C1orf105: variants seen among roughly 807,000 people sequenced by gnomAD.
C1orf105 encodes the protein uncharacterized protein C1orf105.
C1orf105 carries 17 observed loss-of-function variants against 20.8 expected under a neutral mutation model. That is an observed-to-expected ratio of 0.82 (90% CI 0.56 to 1.23). The LOEUF is 1.23. Among genes scored for constraint, C1orf105 ranks in the 50% most tolerant of loss-of-function variants. C1orf105 has a pLI of 0.00. For missense variants in C1orf105, 219 were observed against 213.5 expected (o/e 1.03, Z -0.16); for synonymous variants, 72 against 72.1 (o/e 1.00, Z 0.01).
intron 1 of C1orf105, among the ~76,000 whole-genome samples, chr1:172,429,852 ACTT>A (rs1420469212): frequency 6.6e-6 from 1 of 152,140 alleles, no homozygotes; most frequent in Non-Finnish European, 1.5e-5. Flanking sequence ...CTATTGCTCT[ACTT>A]CTTCTTAATC....
At chr1:172,431,033 GT>G (rs1272780971) in intron 1 of C1orf105, 4 of 629,312 alleles carry the variant, frequency 6.4e-6, no homozygotes, top group African/African-American at 3.7e-5. Context: ...GCTCTTCCCT[GT>G]CTTTCTTCCT....
intron 1 of C1orf105, chr1:172,441,636 G>T: frequency 8.8e-7 from 1 of 1,135,212 alleles, no homozygotes; most frequent in Non-Finnish European, 1.2e-6. Flanking sequence ...ACAATGACAT[G>T]CTGCTTCCAG....
chr1:172,432,269 A>G (rs571670268), intron 1 of C1orf105, among the ~76,000 whole-genome samples: 1 of 152,324 alleles, frequency 6.6e-6, no homozygotes, highest in African/African-American at 2.4e-5. Flanking sequence ...GAACTCTGAG[A>G]ATAGACAGAC....
chr1:172,451,844 A>G lies in C1orf105; in HGVS notation c.198+3313A>G, dbSNP rs111954558. Among the ~76,000 whole-genome samples, 595 of 148,718 alleles carry G rather than the reference A, an allele frequency of 4.0e-3. 7 individuals are homozygous for G. The highest frequency in any genetic ancestry group is 0.014 in the African/African-American group (567 of 40,334). ...ACTTTTGGGATTCTATGTGGTAGAA[A>G]TAATTCTGCCTTTATATGGATTCTT... On this transcript the variant is annotated intron_variant, in intron 3 of 6. Coordinates refer to ENST00000367727, the MANE Select transcript of C1orf105 (RefSeq NM_139240.4).
chr1:172,427,889 C>G (rs533075122), intron 1 of C1orf105, among the ~76,000 whole-genome samples: 4 of 152,106 alleles, frequency 2.6e-5, no homozygotes, highest in Non-Finnish European at 5.9e-5. Context: ...CAACAAATCC[C>G]GAATTTATAT....
intron 3 of C1orf105, among the ~76,000 whole-genome samples, chr1:172,450,218 C>G (rs1316733403): frequency 6.6e-6 from 1 of 152,198 alleles, no homozygotes; most frequent in African/African-American, 2.4e-5. Flanking sequence ...AGAACACAGG[C>G]CCCTCAGCCT....
intron 2 of C1orf105, among the ~76,000 whole-genome samples, chr1:172,446,071 T>C (rs1003557192): frequency 2.0e-5 from 3 of 152,214 alleles, no homozygotes; most frequent in African/African-American, 7.2e-5. Context: ...TTGCTTTGTC[T>C]ACTGTACATT....
chr1:172,422,123 G>A (rs551299412), intron 1 of C1orf105, among the ~76,000 whole-genome samples: 1 of 151,556 alleles, frequency 6.6e-6, no homozygotes, highest in African/African-American at 2.4e-5. Context: ...GGACTGGGGA[G>A]CGCACGATCT....
At chr1:172,436,994 T>A (rs1210814327) in intron 1 of C1orf105, among the ~76,000 whole-genome samples, 1 of 152,172 alleles carries the variant, frequency 6.6e-6, no homozygotes, top group Non-Finnish European at 1.5e-5. Context: ...AAAATGCTCA[T>A]CATCACTGGT....
Position 172,455,959 on chromosome 1 carries a change from G to A in C1orf105, c.199-456G>A, listed in dbSNP as rs537464304. The stretch of plus-strand genomic sequence containing the variant: ...AAGGCCCGTGAAAAAAAGATTTGCA[G>A]AAGAGAAGTCTTCTCTTCATTCTTT... On this transcript the variant is annotated intron_variant, in intron 3 of 6. Coordinates refer to ENST00000367727, the MANE Select transcript of C1orf105 (RefSeq NM_139240.4). 2.6e-5 allele frequency among the ~76,000 whole-genome samples: 4 copies of A among 152,288 alleles called. No homozygotes were observed. In the South Asian group the frequency reaches 8.3e-4, roughly 32 times the overall value.
chr1:172,430,429 A>AT, intron 1 of C1orf105: 1 of 606,614 alleles, frequency 1.6e-6, no homozygotes, highest in Non-Finnish European at 3.0e-6. Flanking sequence ...TTAATTTGCA[A>AT]TTTTTCTTAA....
At chr1:172,426,210 C>T (rs911568613) in intron 1 of C1orf105, among the ~76,000 whole-genome samples, 33 of 152,196 alleles carry the variant, frequency 2.2e-4, no homozygotes, top group African/African-American at 7.2e-4. Flanking sequence ...CCCCTGCATC[C>T]TTTTCCAAAG....
At chr1:172,425,738 G>C (rs1332882169) in intron 1 of C1orf105, among the ~76,000 whole-genome samples, 3 of 152,128 alleles carry the variant, frequency 2.0e-5, no homozygotes, top group Non-Finnish European at 4.4e-5. Flanking sequence ...AAAGGTCCTT[G>C]TCAAAATGCA....
intron 1 of C1orf105, among the ~76,000 whole-genome samples, chr1:172,434,281 C>G (rs1378863024): frequency 1.3e-5 from 2 of 152,190 alleles, no homozygotes; most frequent in African/African-American, 4.8e-5. Flanking sequence ...ACTCTCCACC[C>G]CACATCAACA....
At chr1:172,440,142 C>A (rs534447291) in intron 1 of C1orf105, among the ~76,000 whole-genome samples, 1 of 152,214 alleles carries the variant, frequency 6.6e-6, no homozygotes, top group African/African-American at 2.4e-5. Context: ...AATTTATGTT[C>A]AAAGAAATAA....
At chr1:172,454,658 C>G (rs984402452) in intron 3 of C1orf105, among the ~76,000 whole-genome samples, 1 of 152,010 alleles carries the variant, frequency 6.6e-6, no homozygotes, top group Admixed American at 6.6e-5. Context: ...CTTGCAACAC[C>G]CTCACCATCC....
At chr1:172,429,223 TACACACACACACAC>T (rs3838965) in intron 1 of C1orf105, among the ~76,000 whole-genome samples, 32 of 151,090 alleles carry the variant, frequency 2.1e-4, no homozygotes, top group East Asian at 1.6e-3. Context: ...AATACAAATA[TACACACACACACAC>T]ACACACACAC....
chr1:172,448,362 TTC>T, intron 2 of C1orf105, 77 bp from the exon 3 acceptor site: 1 of 951,272 alleles, frequency 1.1e-6, no homozygotes, highest in Non-Finnish European at 1.7e-6. Context: ...GTCCCTTGTA[TTC>T]TCTCAGAAAC....
At chr1:172,465,910 A>T (rs549035805) in intron 6 of C1orf105, among the ~76,000 whole-genome samples, 1 of 152,334 alleles carries the variant, frequency 6.6e-6, no homozygotes, top group East Asian at 1.9e-4. Flanking sequence ...TTAAGGCAAC[A>T]CTGGGCTGGT....
Sources: gnomAD v4.1 joint callset for allele counts (sites outside exome capture counted in the v4.1 genomes callset) on GRCh38, gnomAD v4.1.1 for gene constraint, MANE v1.5 for transcripts, NCBI Gene and HGNC (gene_info 2026-07-23, HGNC 2026-07-21) for gene names.